Variants in PPHLN1 observed in about 807,000 individuals in gnomAD.
PPHLN1 encodes the protein periphilin-1.
Under a neutral mutation model 51.3 loss-of-function variants are expected in PPHLN1, and 29 were observed. The observed-to-expected ratio is 0.57, with a 90% CI of 0.42 to 0.77. PPHLN1 has a LOEUF of 0.77. Among genes scored for constraint, PPHLN1 ranks in the 30% least tolerant of loss-of-function variants. PPHLN1 has a pLI of 0.00. For synonymous variants in PPHLN1, 147 were observed against 147.8 expected, an observed-to-expected ratio of 0.99 and a Z score of 0.04; for missense variants, 436 against 438.4, an observed-to-expected ratio of 0.99 and a Z score of 0.05.
chr12:42,423,786 G>A (rs1011852606), intron 9 of PPHLN1, among the ~76,000 whole-genome samples: 41 of 151,468 alleles, frequency 2.7e-4, no homozygotes, highest in African/African-American at 9.5e-4. Flanking sequence ...AAGTGATTCT[G>A]CTGCCTCAGC....
intron 4 of PPHLN1, among the ~76,000 whole-genome samples, chr12:42,360,458 CTTTTTTTTTTTT>C (rs71084642): frequency 1.7e-3 from 93 of 56,292 alleles, no homozygotes; most frequent in Middle Eastern, 0.027. Context: ...ATGCTGAATT[CTTTTTTTTTTTT>C]TTTTTTTTTT....
intron 1 of PPHLN1, among the ~76,000 whole-genome samples, chr12:42,330,358 G>C (rs1455823690): frequency 6.6e-6 from 1 of 152,170 alleles, no homozygotes; most frequent in African/African-American, 2.4e-5. Flanking sequence ...ACCCTTCATG[G>C]GTGTCGGGCT....
At chr12:42,389,835 A>G (rs2077528657) in intron 7 of PPHLN1, among the ~76,000 whole-genome samples, 1 of 135,636 alleles carries the variant, frequency 7.4e-6, no homozygotes, top group Non-Finnish European at 1.7e-5. Context: ...TCATACAGAA[A>G]TCTTAGTAGG....
chr12:42,427,163 A>G (rs1326160600), intron 9 of PPHLN1, among the ~76,000 whole-genome samples: 1 of 152,216 alleles, frequency 6.6e-6, no homozygotes, highest in African/African-American at 2.4e-5. Context: ...AAATTATTTC[A>G]TGAAGACTGG....
At chr12:42,396,615 CAAAAAAAAAA>C (rs60131845) in intron 8 of PPHLN1, among the ~76,000 whole-genome samples, 10 of 85,494 alleles carry the variant, frequency 1.2e-4, no homozygotes, top group East Asian at 8.6e-4. Flanking sequence ...CTTGTCACTA[CAAAAAAAAAA>C]AAAAAAAAAA....
chr12:42,426,222 A>ACACACACACC (rs1566010435), intron 9 of PPHLN1, among the ~76,000 whole-genome samples: 7 of 121,724 alleles, frequency 5.8e-5, no homozygotes, highest in Non-Finnish European at 1.1e-4. Flanking sequence ...ACACACACAC[A>ACACACACACC]CACACACCCT....
At chr12:42,399,088 C>G in intron 9 of PPHLN1, 94 bp downstream of exon 9, 4 of 1,501,684 alleles carry the variant, frequency 2.7e-6, no homozygotes, top group Non-Finnish European at 3.6e-6. Flanking sequence ...ATTTCTTTTT[C>G]CACCTGTAAC....
At chr12:42,341,549 T>G (rs1334397704) in intron 2 of PPHLN1, among the ~76,000 whole-genome samples, 1 of 152,210 alleles carries the variant, frequency 6.6e-6, no homozygotes, top group East Asian at 1.9e-4. Flanking sequence ...TTTGGCAAAC[T>G]TATCCTCAAT....
chr12:42,395,821 A>AT (rs2078151134), intron 8 of PPHLN1, among the ~76,000 whole-genome samples: 1 of 152,136 alleles, frequency 6.6e-6, no homozygotes, highest in African/African-American at 2.4e-5. Context: ...ATGAGCTGAG[A>AT]TAGATAGAAT....
chr12:42,359,959 T>C (rs1181289801), intron 4 of PPHLN1, among the ~76,000 whole-genome samples: 1 of 151,718 alleles, frequency 6.6e-6, no homozygotes, highest in Non-Finnish European at 1.5e-5. Context: ...AATACAAAAA[T>C]TAGTCAGGCA....
intron 3 of PPHLN1, 52 bp downstream of exon 3, chr12:42,352,101 T>C (rs1469272735): frequency 1.2e-5 from 16 of 1,339,462 alleles, no homozygotes; most frequent in Non-Finnish European, 1.5e-5. Context: ...AGTTTAAAAT[T>C]AATGTAATTT....
chr12:42,422,350 G>A (rs2081079298), intron 9 of PPHLN1, among the ~76,000 whole-genome samples: 1 of 152,166 alleles, frequency 6.6e-6, no homozygotes, highest in South Asian at 2.1e-4. Flanking sequence ...CCTTTTTCCA[G>A]GATGTGTTTA....
At chr12:42,344,174 G>A (rs1440413273) in intron 2 of PPHLN1, among the ~76,000 whole-genome samples, 2 of 152,152 alleles carry the variant, frequency 1.3e-5, no homozygotes, top group Admixed American at 6.6e-5. Flanking sequence ...TGGGAATAGA[G>A]CAGTAAATAA....
chr12:42,425,006 T>A (rs2081307046), intron 9 of PPHLN1, among the ~76,000 whole-genome samples: 1 of 152,006 alleles, frequency 6.6e-6, no homozygotes, highest in Non-Finnish European at 1.5e-5. Context: ...CAATATAGAA[T>A]TTTTTCCTCA....
chr12:42,425,824 G>C (rs1270414130), intron 9 of PPHLN1, among the ~76,000 whole-genome samples: 2 of 152,226 alleles, frequency 1.3e-5, no homozygotes, highest in Non-Finnish European at 2.9e-5. Context: ...TCTAGGTCCT[G>C]TGTGTGTATA....
At chr12:42,390,799 T>G (rs978001337) in intron 7 of PPHLN1, among the ~76,000 whole-genome samples, 2 of 151,696 alleles carry the variant, frequency 1.3e-5, no homozygotes, top group East Asian at 3.9e-4. Context: ...TTTGCATTTT[T>G]TTTTTCACAG....
At chr12:42,354,779 T>C (rs767534402) in intron 3 of PPHLN1, among the ~76,000 whole-genome samples, 3 of 152,160 alleles carry the variant, frequency 2.0e-5, no homozygotes, top group Non-Finnish European at 4.4e-5. Flanking sequence ...AGTTTTTCAT[T>C]GGGCTTGAAA....
At chr12:42,386,939 C>G (rs1236005663) in intron 6 of PPHLN1, 1 of 152,168 alleles carries the variant, frequency 6.6e-6, no homozygotes, top group South Asian at 2.1e-4. Context: ...TTCATTAATG[C>G]CAGGCACTGA....
chr12:42,372,244 G>A (rs2075873326), intron 4 of PPHLN1, among the ~76,000 whole-genome samples: 1 of 152,220 alleles, frequency 6.6e-6, no homozygotes, highest in African/African-American at 2.4e-5. Context: ...GGGAGCAGAA[G>A]AAGGATTGAT....
Sources: allele counts gnomAD v4.1 joint callset (sites outside exome capture counted in the v4.1 genomes callset), GRCh38; gene constraint gnomAD v4.1.1; transcripts MANE v1.5; gene names NCBI Gene and HGNC (gene_info 2026-07-23, HGNC 2026-07-21).